The following COL5A3 variants were observed in gnomAD, a reference collection of about 807,000 sequenced individuals.
COL5A3 encodes collagen alpha-3(V) chain.
A neutral mutation model predicts 250.0 loss-of-function variants in COL5A3; 172 were observed. The ratio of observed to expected loss-of-function variants is 0.69; its 90% CI spans 0.61 to 0.78. The LOEUF is 0.78. Among genes scored for constraint, COL5A3 ranks in the 30% least tolerant of loss-of-function variants. COL5A3 has a pLI of 0.00. For missense variants in COL5A3, 2,340 were observed against 2,334.4 expected, an observed-to-expected ratio of 1.00 and a Z score of -0.05; for synonymous variants, 937 against 900.4, an observed-to-expected ratio of 1.04 and a Z score of -0.73.
chr19:9,980,878 C>T lies in COL5A3; in HGVS notation c.2506-19G>A, dbSNP rs1438043787. 2 of 1,599,680 alleles carry T rather than the reference C, an allele frequency of 1.3e-6. No individual in the cohort carries two copies. The highest frequency in any genetic ancestry group is 1.3e-5 in the African/African-American group (1 of 74,248). ...GGGAACCCTGAACAAAAAAAAAAGG[C>T]AAAGATCAGATATGAGGGGGTGGGG... On this transcript the variant is annotated intron_variant, in intron 33 of 66. Coordinates refer to ENST00000264828, the MANE Select transcript of COL5A3 (RefSeq NM_015719.4).
In COL5A3 at chr19:10,009,388, G is replaced by T. The variant is rs977809660; in HGVS notation, c.88+910C>A. ...CCCAGCCAGATGCGCGCAGCTGGGCGTGCGTCAGCGCTGACTCACCCATCC... is the reference window on the plus strand; with the variant it reads ...CCCAGCCAGATGCGCGCAGCTGGGCTTGCGTCAGCGCTGACTCACCCATCC... On this transcript the variant is annotated intron_variant, in intron 1 of 66. Coordinates refer to ENST00000264828, the MANE Select transcript of COL5A3 (RefSeq NM_015719.4). This position sits in a 1 kb window ranked among gnomAD's most constrained non-coding sequence, Gnocchi z 4.4. 2.0e-5 allele frequency among the ~76,000 whole-genome samples: 3 copies of T among 152,010 alleles called. No individual in the cohort carries two copies. Among genetic ancestry groups the T allele is most frequent in the African/African-American group, 4.8e-5 (2 of 41,390 alleles).
At chr19:9,984,369 TC>T (rs1453921695) in intron 31 of COL5A3, among the ~76,000 whole-genome samples, 3 of 152,178 alleles carry the variant, frequency 2.0e-5, no homozygotes, top group African/African-American at 7.2e-5. Flanking sequence ...ACAGAACTCA[TC>T]AGTGATATAA....
Position 10,009,648 on chromosome 19 carries a change from G to C in COL5A3, c.88+650C>G, listed in dbSNP as rs1372385180. 6.6e-6 allele frequency among the ~76,000 whole-genome samples: 1 copy of C among 152,100 alleles called. No individual in the cohort carries two copies. Among genetic ancestry groups the C allele is most frequent in the Non-Finnish European group, 1.5e-5 (1 of 68,020 alleles). On this transcript the variant is annotated intron_variant, in intron 1 of 66. Transcript: ENST00000264828. This position sits in a 1 kb window ranked among gnomAD's most constrained non-coding sequence, Gnocchi z 4.4. ...CAACAGGGAGGGAGGGGAGGAGATG[G>C]GCGCTCGCCAATTTGGGGCAGAGGA...
chr19:9,986,650 G>C (rs371587730), intron 28 of COL5A3, 44 bp from the exon 29 acceptor site: 1 of 1,613,658 alleles, frequency 6.2e-7, no homozygotes, highest in South Asian at 1.1e-5. Context: ...CCTCGGGGAA[G>C]GGACACAACC....
intron 8 of COL5A3, among the ~76,000 whole-genome samples, chr19:9,999,789 A>G (rs774758698): frequency 1.5e-4 from 22 of 151,644 alleles, no homozygotes; most frequent in Non-Finnish European, 2.9e-4. Context: ...TTTTCTCTAG[A>G]GAAAGGTCTT....
intron 66 of COL5A3, 38 bp downstream of exon 66, chr19:9,960,613 C>A: frequency 6.2e-7 from 1 of 1,613,524 alleles, no homozygotes; most frequent in Admixed American, 1.7e-5. Context: ...CGACATCTTG[C>A]CTCCCCTCTC....
Position 9,960,876 on chromosome 19 carries a change from G to A in COL5A3, c.4866C>T (p.Asp1622=), listed in dbSNP as rs780238164. 1.9e-5 allele frequency: 31 copies of A among 1,605,702 alleles called. No individual in the cohort carries two copies. Among genetic ancestry groups the A allele is most frequent in the Admixed American group, 1.0e-4 (6 of 59,982 alleles). The part of the protein sequence containing the change: ...FRRGKKFSYV[D]ADGSPVNVVQ... ...CGACATTCACTGGGGACCCGTCGGC[G>A]TCCACGTAGGAGAACTGGTGAGAGG... Residue 1622 remains aspartate (D), a synonymous_variant, in exon 66 of 67, where the codon GAC becomes GAT. Transcript: ENST00000264828.
intron 13 of COL5A3, 82 bp from the exon 14 acceptor site, chr19:9,996,344 T>A: frequency 6.5e-7 from 1 of 1,550,104 alleles, no homozygotes; most frequent in Non-Finnish European, 8.7e-7. Context: ...AGGAGAAAAA[T>A]AACCCCCTTC....
chr19:9,979,327 G>T (rs777036624), intron 38 of COL5A3, 37 bp downstream of exon 38: 7 of 1,612,392 alleles, frequency 4.3e-6, no homozygotes, highest in Non-Finnish European at 4.2e-6. Flanking sequence ...CCCCCAACTG[G>T]TACAAAACAA....
At chr19:9,978,833 AC>A (rs554404195) in intron 40 of COL5A3, 57 bp downstream of exon 40, 85 of 1,024,002 alleles carry the variant, frequency 8.3e-5, no homozygotes, top group African/African-American at 6.3e-4. Flanking sequence ...CCCTCCCCTG[AC>A]CCCCCCATCC....
In COL5A3 at chr19:9,970,168, G is replaced by A. The variant is rs373208728; in HGVS notation, c.3937-246C>T. Among the ~76,000 whole-genome samples, 6 of 66,422 alleles carry A rather than the reference G, an allele frequency of 9.0e-5. 2 individuals are homozygous for A. The highest frequency in any genetic ancestry group is 1.2e-4 in the Non-Finnish European group (4 of 32,048). 43.6% of individuals were successfully genotyped at this position (66,422 alleles called of 152,430 possible). On this transcript the variant is annotated intron_variant, in intron 54 of 66. Coordinates refer to ENST00000264828, the MANE Select transcript of COL5A3 (RefSeq NM_015719.4). The stretch of plus-strand genomic sequence containing the variant: ...TGGGTGAGTGGGGTCTGTGGGGTGA[G>A]TGGGGTCTGTGGGTGAGTGGGGTCT...
intron 61 of COL5A3, 36 bp from the exon 62 acceptor site, chr19:9,967,436 C>T (rs751289655): frequency 2.8e-6 from 4 of 1,448,122 alleles, no homozygotes; most frequent in African/African-American, 1.5e-5. Flanking sequence ...TGAACCCTGT[C>T]TATGGAGACC....
Position 9,968,353 on chromosome 19 carries a change from T to A in COL5A3, c.4314+32A>T. 86 of 1,434,536 alleles carry A rather than the reference T, an allele frequency of 6.0e-5. No individual in the cohort carries two copies. Among genetic ancestry groups the A allele is most frequent in the Non-Finnish European group, 7.6e-5 (78 of 1,030,318 alleles). The allele number at this position is 1,434,536 out of a possible 1,614,324, so 88.9% of individuals were successfully genotyped here. A position where few individuals can be genotyped will look rare whatever the true frequency, so the allele number is the denominator to read the frequency against. On this transcript the variant is annotated intron_variant, in intron 59 of 66. Transcript: ENST00000264828. This position sits in a 1 kb window ranked among gnomAD's most constrained non-coding sequence, Gnocchi z 4.1. ...CTCTCAACCGACCCCCTCCTTCAAA[T>A]GCATTCTTCCCGCTCAGGTCAGGAC...
rs2086752564 is a variant in COL5A3, at chr19:9,966,708, C to T, written c.4497G>A (p.Arg1499=). The change falls in exon 63 of 67, where the codon CGG becomes CGA. Residue 1499 remains arginine (R), a synonymous_variant. Transcript: ENST00000264828. ...CTGGAAGCGGGACTGGGACGAAGCG[C>T]CGGCGCCTGCGCAGCCCATGCAGCT... The part of the protein sequence containing the change: ...PAELHGLRRR[R]RFVPVPLPVV... 2 of 1,537,560 alleles carry T rather than the reference C, an allele frequency of 1.3e-6. No individual in the cohort carries two copies. Among genetic ancestry groups the T allele is most frequent in the East Asian group, 4.9e-5 (2 of 41,048 alleles).
chr19:9,965,156 C>CTTT (rs771519552), intron 64 of COL5A3, among the ~76,000 whole-genome samples: 140 of 100,302 alleles, frequency 1.4e-3, no homozygotes, highest in Non-Finnish European at 2.0e-3. Flanking sequence ...TTTTCTTTTT[C>CTTT]TTTTTTTTTT....
rs1259268176 is a variant in COL5A3, at chr19:9,960,745, C to T, written c.4997G>A (p.Ser1666Asn). 6.2e-7 allele frequency: 1 copy of T among 1,614,092 alleles called. No individual in the cohort carries two copies. Among genetic ancestry groups the T allele is most frequent in the Non-Finnish European group, 8.5e-7 (1 of 1,180,030 alleles). Residue 1666 changes from serine to asparagine, a missense_variant, in exon 66 of 67, where the codon AGC becomes AAC. Coordinates refer to ENST00000264828, the MANE Select transcript of COL5A3 (RefSeq NM_015719.4). Reference protein sequence around the residue: ...AWLDEATGDYSHSARFLGTNG... With the variant: ...AWLDEATGDYNHSARFLGTNG... The stretch of plus-strand genomic sequence containing the variant: ...GGTGCCAAGGAAGCGGGCGGAGTGG[C>T]TGTAGTCACCCGTGGCTTCGTCCAG...
intron 31 of COL5A3, among the ~76,000 whole-genome samples, chr19:9,983,216 T>C (rs1044792453): frequency 6.6e-6 from 1 of 151,940 alleles, no homozygotes; most frequent in African/African-American, 2.4e-5. Context: ...AAAATCTTAG[T>C]CTATGTCAGG....
intron 31 of COL5A3, among the ~76,000 whole-genome samples, chr19:9,982,406 G>C (rs2087024192): frequency 6.6e-6 from 1 of 152,092 alleles, no homozygotes; most frequent in African/African-American, 2.4e-5. Context: ...ATCTCATTCA[G>C]ATGTCACCTC....
intron 22 of COL5A3, 49 bp downstream of exon 22, chr19:9,991,955 G>A (rs747125813): frequency 1.3e-5 from 20 of 1,582,248 alleles, no homozygotes; most frequent in Non-Finnish European, 1.7e-5. Flanking sequence ...TGGACAATCG[G>A]GGTCAGAGTG....
Sources: gnomAD v4.1 joint callset for allele counts (sites outside exome capture counted in the v4.1 genomes callset) on GRCh38, gnomAD v4.1.1 for gene constraint, Gnocchi (gnomAD v3.1) non-coding constraint, MANE v1.5 for transcripts, NCBI Gene and HGNC (gene_info 2026-07-23, HGNC 2026-07-21) for gene names.